The following ANKH variants were observed in gnomAD, a reference collection of about 807,000 sequenced individuals.
ANKH encodes the protein mineralization regulator ANKH.
ANKH carries 15 observed loss-of-function variants against 49.0 expected under a neutral mutation model. That is an observed-to-expected ratio of 0.31 (90% CI 0.20 to 0.47). The LOEUF (loss-of-function observed/expected upper bound fraction) is 0.47. Among genes scored for constraint, ANKH ranks in the 20% least tolerant of loss-of-function variants. ANKH has a pLI of 1.00. For missense variants in ANKH, 429 were observed against 652.0 expected (o/e 0.66, Z 3.72); for synonymous variants, 273 against 260.0 (o/e 1.05, Z -0.48).
At chr5:14,791,684 C>T (rs1383615503) in intron 1 of ANKH, among the ~76,000 whole-genome samples, 1 of 152,046 alleles carries the variant, frequency 6.6e-6, no homozygotes, top group Non-Finnish European at 1.5e-5. Context: ...AGGAAAGCAC[C>T]CAGTGTGTGC....
chr5:14,747,476 C>T (rs1738575398), intron 6 of ANKH, among the ~76,000 whole-genome samples: 1 of 152,116 alleles, frequency 6.6e-6, no homozygotes. Flanking sequence ...AGGAGGATCG[C>T]TTGAGCCCAG....
chr5:14,782,733 A>T (rs1300285025), intron 1 of ANKH, among the ~76,000 whole-genome samples: 1 of 152,222 alleles, frequency 6.6e-6, no homozygotes. Flanking sequence ...ATGCCAAGAA[A>T]ATGAGAATAA....
Position 14,870,124 on chromosome 5 carries a change from A to G in ANKH, c.96+1228T>C, listed in dbSNP as rs534051360. On this transcript the variant is annotated intron_variant, in intron 1 of 11. Transcript: ENST00000284268. Reference sequence around the variant, plus strand: ...AACGGAAGAGACAAGATTTTATCAAAGGACATTGGCTGGCGCGGTAAACAA... The same window carrying G: ...AACGGAAGAGACAAGATTTTATCAAGGGACATTGGCTGGCGCGGTAAACAA... The G allele has an allele frequency of 3.3e-5, 5 of 152,346 alleles. No homozygotes were observed. In the South Asian group the frequency reaches 1.0e-3, roughly 32 times the overall value. The allele number at this position is 152,346 out of a possible 1,614,324, so 9.4% of individuals were successfully genotyped here.
chr5:14,800,672 T>G (rs1190374772), intron 1 of ANKH, among the ~76,000 whole-genome samples: 7 of 152,214 alleles, frequency 4.6e-5, no homozygotes, highest in African/African-American at 1.7e-4. Flanking sequence ...TTTTAAGTCC[T>G]AATACATTGC....
At chr5:14,843,809 G>T (rs918201225) in intron 1 of ANKH, among the ~76,000 whole-genome samples, 1 of 152,084 alleles carries the variant, frequency 6.6e-6, no homozygotes, top group Non-Finnish European at 1.5e-5. Context: ...ATAACTTAAG[G>T]GTTACAATAA....
chr5:14,861,751 G>C (rs764591601), intron 1 of ANKH, among the ~76,000 whole-genome samples: 15 of 152,142 alleles, frequency 9.9e-5, no homozygotes, highest in South Asian at 2.1e-4. Context: ...AACCAGCTAG[G>C]ACCTGCAAAC....
rs1736907293 is a variant in ANKH, at chr5:14,705,306, A to G, written c.*5891T>C. 6.6e-6 allele frequency: 1 copy of G among 152,198 alleles called. No homozygotes were observed. Among genetic ancestry groups the G allele is most frequent in the Non-Finnish European group, 1.5e-5 (1 of 68,030 alleles). The allele number at this position is 152,198 out of a possible 1,614,324, so 9.4% of individuals were successfully genotyped here. The stretch of plus-strand genomic sequence containing the variant: ...GTTTAAAAAAAAAAAAATCTAGATC[A>G]CTGCTAATGTTCAGATCTGAAATGA... On this transcript the variant is annotated 3_prime_UTR_variant, in exon 12 of 12. Coordinates refer to ENST00000284268, the MANE Select transcript of ANKH (RefSeq NM_054027.6).
chr5:14,798,644 A>G (rs763187204), intron 1 of ANKH, among the ~76,000 whole-genome samples: 10 of 152,076 alleles, frequency 6.6e-5, no homozygotes, highest in Non-Finnish European at 2.9e-5. Context: ...TTTCATTATT[A>G]TTATATCTGA....
chr5:14,713,009 A>C lies in ANKH; in HGVS notation c.1266-36T>G, dbSNP rs748936291. 2.6e-5 allele frequency: 42 copies of C among 1,589,798 alleles called. No homozygotes were observed. In the East Asian group the frequency reaches 8.8e-4, roughly 33 times the overall value. On this transcript the variant is annotated intron_variant, in intron 10 of 11. Transcript: ENST00000284268. This position sits in a 1 kb window ranked among gnomAD's most constrained non-coding sequence, Gnocchi z 4.4. ...GAACACAAAGGCAATTTGTCTGTTA[A>C]GGCCAAGTCAAGGCACAACCGTCGA...
Position 14,705,835 on chromosome 5 carries a change from T to C in ANKH, c.*5362A>G, listed in dbSNP as rs1736927060. The C allele has an allele frequency of 6.6e-6, 1 of 152,416 alleles. No individual in the cohort carries two copies. Among genetic ancestry groups the C allele is most frequent in the Non-Finnish European group, 1.5e-5 (1 of 68,044 alleles). 9.4% of individuals were successfully genotyped at this position (152,416 alleles called of 1,614,324 possible). ...AGGGTGGTTTGAACTTAGCTTTCAG[T>C]AGCTGTTTCATTCAAACCGTGGGTC... On this transcript the variant is annotated 3_prime_UTR_variant, in exon 12 of 12. Coordinates refer to ENST00000284268, the MANE Select transcript of ANKH (RefSeq NM_054027.6).
intron 1 of ANKH, among the ~76,000 whole-genome samples, chr5:14,817,282 G>T (rs539475128): frequency 1.3e-5 from 2 of 152,278 alleles, no homozygotes; most frequent in Admixed American, 1.3e-4. Flanking sequence ...ATGGTGATAG[G>T]TTTCTATGTG....
At chr5:14,786,036 A>G (rs964851210) in intron 1 of ANKH, among the ~76,000 whole-genome samples, 1 of 127,700 alleles carries the variant, frequency 7.8e-6, no homozygotes, top group Non-Finnish European at 1.6e-5. Context: ...AGAAAGTGAG[A>G]CTCTGTCTCA....
intron 1 of ANKH, among the ~76,000 whole-genome samples, chr5:14,857,494 A>T (rs951310420): frequency 3.3e-5 from 5 of 151,560 alleles, no homozygotes; most frequent in African/African-American, 4.9e-5. Flanking sequence ...ATCTCTACTT[A>T]AAAAAATACA....
chr5:14,805,485 T>TAC (rs111728811), intron 1 of ANKH, among the ~76,000 whole-genome samples: 26,819 of 131,932 alleles, frequency 0.2, 2,978 homozygotes, highest in East Asian at 0.48. Context: ...GTTTATAGGA[T>TAC]ACACACACAC....
At chr5:14,782,698 A>G (rs1739845902) in intron 1 of ANKH, among the ~76,000 whole-genome samples, 1 of 152,250 alleles carries the variant, frequency 6.6e-6, no homozygotes, top group South Asian at 2.1e-4. Flanking sequence ...AGTGTGACTA[A>G]AGACGTATTT....
chr5:14,845,900 C>T (rs111771828), intron 1 of ANKH, among the ~76,000 whole-genome samples: 1 of 126,410 alleles, frequency 7.9e-6, no homozygotes, highest in African/African-American at 3.1e-5. Flanking sequence ...GTTGCCCAGG[C>T]TGGAGAGTAC....
At chr5:14,812,390 G>A (rs1304284972) in intron 1 of ANKH, among the ~76,000 whole-genome samples, 2 of 152,090 alleles carry the variant, frequency 1.3e-5, no homozygotes, top group African/African-American at 2.4e-5. Context: ...CCCCTGTGAC[G>A]AAACAGTCTC....
intron 1 of ANKH, among the ~76,000 whole-genome samples, chr5:14,804,264 C>T (rs1173164370): frequency 6.6e-6 from 1 of 152,212 alleles, no homozygotes; most frequent in Non-Finnish European, 1.5e-5. Context: ...CCAGGTCACA[C>T]AGTGAGTGCC....
At chr5:14,719,638 A>G (rs757123738) in intron 8 of ANKH, among the ~76,000 whole-genome samples, 9 of 152,268 alleles carry the variant, frequency 5.9e-5, no homozygotes, top group Non-Finnish European at 1.2e-4. Flanking sequence ...ATTGACAATT[A>G]TTAAGTCCAG....
Sources: allele counts gnomAD v4.1 joint callset (sites outside exome capture counted in the v4.1 genomes callset), GRCh38; gene constraint gnomAD v4.1.1; non-coding constraint Gnocchi (gnomAD v3.1); transcripts MANE v1.5; gene names NCBI Gene and HGNC (gene_info 2026-07-23, HGNC 2026-07-21).